The following RORA variants were observed in gnomAD, a reference collection of about 807,000 sequenced individuals.
RORA encodes the protein RAR related orphan receptor A.
Under a neutral mutation model 69.5 loss-of-function variants are expected in RORA, and 7 were observed. The ratio of observed to expected loss-of-function variants is 0.10; its 90% CI spans 0.06 to 0.19. RORA has a LOEUF of 0.19. Ranked by LOEUF, RORA falls within the 10% of genes least tolerant of loss-of-function variation. The pLI, the probability that RORA is intolerant of heterozygous loss-of-function variation, is 1.00. For synonymous variants in RORA, 261 were observed against 240.8 expected, an observed-to-expected ratio of 1.08 and a Z score of -0.78; for missense variants, 457 against 663.0, an observed-to-expected ratio of 0.69 and a Z score of 3.41.
At chr15:60,910,497 C>T (rs1353016658) in intron 1 of RORA, among the ~76,000 whole-genome samples, 4 of 152,146 alleles carry the variant, frequency 2.6e-5, no homozygotes, top group Non-Finnish European at 4.4e-5. Context: ...TGAAATACTC[C>T]TCTTATTCAA....
chr15:60,610,198 T>TCA (rs10674463), intron 2 of RORA, among the ~76,000 whole-genome samples: 8,283 of 148,380 alleles, frequency 0.056, 236 homozygotes, highest in South Asian at 0.096. Context: ...GTCGTGTAAG[T>TCA]CACACACACA....
At chr15:60,651,083 T>A (rs1951990001) in intron 2 of RORA, among the ~76,000 whole-genome samples, 1 of 152,142 alleles carries the variant, frequency 6.6e-6, no homozygotes, top group African/African-American at 2.4e-5. Flanking sequence ...AGGAAGAAAC[T>A]TTTGGAGTAG....
chr15:61,033,240 G>C (rs1896269559), intron 1 of RORA, among the ~76,000 whole-genome samples: 1 of 152,144 alleles, frequency 6.6e-6, no homozygotes, highest in Non-Finnish European at 1.5e-5. Context: ...CATGAGGCAA[G>C]AGCTGCCTCA....
At chr15:61,214,426 T>C (rs1307640812) in intron 1 of RORA, among the ~76,000 whole-genome samples, 1 of 152,238 alleles carries the variant, frequency 6.6e-6, no homozygotes, top group East Asian at 1.9e-4. Flanking sequence ...GAGTGAACAG[T>C]GGCTTATGAA....
chr15:61,220,432 C>A (rs1408883620), intron 1 of RORA, among the ~76,000 whole-genome samples: 1 of 152,166 alleles, frequency 6.6e-6, no homozygotes, highest in African/African-American at 2.4e-5. Context: ...TTTAGACTTG[C>A]TAAATATACA....
At chr15:60,702,932 C>T (rs532980166) in intron 1 of RORA, among the ~76,000 whole-genome samples, 16 of 152,304 alleles carry the variant, frequency 1.1e-4, no homozygotes, top group East Asian at 3.9e-4. Flanking sequence ...TATTCCAATA[C>T]GTCCCCTTGA....
chr15:60,662,750 T>C (rs762296981), intron 2 of RORA, among the ~76,000 whole-genome samples: 2 of 152,160 alleles, frequency 1.3e-5, no homozygotes, highest in African/African-American at 2.4e-5. Context: ...AAAATATGTG[T>C]CATTTTAAAT....
chr15:60,609,944 C>T (rs1032150646), intron 2 of RORA, among the ~76,000 whole-genome samples: 1 of 152,072 alleles, frequency 6.6e-6, no homozygotes, highest in Middle Eastern at 3.4e-3. Context: ...CCATCAAAGG[C>T]GTGAAAAAAT....
intron 1 of RORA, among the ~76,000 whole-genome samples, chr15:60,862,033 T>A (rs1342065412): frequency 6.6e-6 from 1 of 152,224 alleles, no homozygotes; most frequent in African/African-American, 2.4e-5. Context: ...ACTCTAGATT[T>A]TATCATGGCT....
intron 1 of RORA, among the ~76,000 whole-genome samples, chr15:61,206,795 G>C (rs567890071): frequency 1.3e-5 from 2 of 152,136 alleles, no homozygotes; most frequent in Non-Finnish European, 1.5e-5. Context: ...CTCAGCACAC[G>C]GGAGGGTCTG....
chr15:60,683,068 C>T (rs558109256), intron 1 of RORA, among the ~76,000 whole-genome samples: 3 of 152,094 alleles, frequency 2.0e-5, no homozygotes, highest in Admixed American at 1.3e-4. Context: ...TGGAGTGCAG[C>T]GGCACCATCA....
intron 1 of RORA, among the ~76,000 whole-genome samples, chr15:61,220,701 T>C (rs2080087572): frequency 6.6e-6 from 1 of 152,208 alleles, no homozygotes; most frequent in Non-Finnish European, 1.5e-5. Context: ...GACCTATTCT[T>C]GCTGTTTTTC....
intron 1 of RORA, among the ~76,000 whole-genome samples, chr15:61,148,102 G>A (rs765742643): frequency 7.2e-5 from 11 of 152,202 alleles, no homozygotes; most frequent in African/African-American, 1.2e-4. Context: ...TGCCGAAGGC[G>A]TGAGCCAAGG....
chr15:61,022,637 T>C (rs1895589547), intron 1 of RORA, among the ~76,000 whole-genome samples: 1 of 152,216 alleles, frequency 6.6e-6, no homozygotes, highest in South Asian at 2.1e-4. Context: ...TCTGTACTTT[T>C]GTGCTTTCTT....
At chr15:60,995,617 A>C (rs922269324) in intron 1 of RORA, among the ~76,000 whole-genome samples, 2 of 152,214 alleles carry the variant, frequency 1.3e-5, no homozygotes, top group African/African-American at 4.8e-5. Context: ...CTGATAGCCC[A>C]ACTCAAGACC....
At chr15:60,835,157 A>C (rs341395) in intron 1 of RORA, among the ~76,000 whole-genome samples, 138,345 of 152,162 alleles carry the variant, frequency 0.91, 63,713 homozygotes, top group Non-Finnish European at 0.98. Flanking sequence ...AGAATAACAT[A>C]ATTTGGCTGC....
intron 1 of RORA, among the ~76,000 whole-genome samples, chr15:61,186,359 G>A (rs1490842479): frequency 1.3e-5 from 2 of 152,090 alleles, no homozygotes; most frequent in Non-Finnish European, 2.9e-5. Context: ...CAGATGCCCT[G>A]GCCAGGCACG....
chr15:61,199,417 A>G (rs148146150), intron 1 of RORA, among the ~76,000 whole-genome samples: 308 of 152,294 alleles, frequency 2.0e-3, no homozygotes, highest in African/African-American at 6.9e-3. Flanking sequence ...TACAAGATAA[A>G]TATTCTCTGT....
At position 60,505,497 on chromosome 15, in the gene RORA, T is replaced by G. The variant is rs1325362118; in HGVS notation, c.942+11A>C. 6.2e-7 allele frequency: 1 copy of G among 1,613,676 alleles called. No individual in the cohort carries two copies. The highest frequency in any genetic ancestry group is 1.7e-5 in the Admixed American group (1 of 60,008). ...CCTCAATCCTAGGAGGAAAAATTCCTCAGATCATACCTTGTTTTGATAGTT... is the reference window on the plus strand; with the variant it reads ...CCTCAATCCTAGGAGGAAAAATTCCGCAGATCATACCTTGTTTTGATAGTT... On this transcript the variant is annotated intron_variant, in intron 6 of 10. Transcript: ENST00000335670.
Sources: gnomAD v4.1 joint callset for allele counts (sites outside exome capture counted in the v4.1 genomes callset) on GRCh38, gnomAD v4.1.1 for gene constraint, MANE v1.5 for transcripts, NCBI Gene and HGNC (gene_info 2026-07-23, HGNC 2026-07-21) for gene names.